Variants in SOD2 observed in about 807,000 individuals in gnomAD.
The protein encoded by SOD2 is superoxide dismutase [Mn], mitochondrial.
Under a neutral mutation model 27.0 loss-of-function variants are expected in SOD2, and 11 were observed. That is an observed-to-expected ratio of 0.41 (90% CI 0.26 to 0.67). The LOEUF is 0.67. Among genes scored for constraint, SOD2 ranks in the 30% least tolerant of loss-of-function variants. The pLI, the probability that SOD2 is intolerant of heterozygous loss-of-function variation, is 0.34. For synonymous variants in SOD2, 105 were observed against 103.0 expected (o/e 1.02, Z -0.12); for missense variants, 250 against 274.5 (o/e 0.91, Z 0.63).
intron 1 of SOD2, among the ~76,000 whole-genome samples, chr6:159,703,292 C>A (rs1051785872): frequency 6.6e-6 from 1 of 152,180 alleles, no homozygotes; most frequent in African/African-American, 2.4e-5. Flanking sequence ...CCAGCCTGGG[C>A]GACAAGAGTG....
intron 1 of SOD2, among the ~76,000 whole-genome samples, chr6:159,751,491 C>A (rs1779819224): frequency 1.3e-5 from 2 of 152,220 alleles, no homozygotes; most frequent in Admixed American, 1.3e-4. Context: ...TCTTGCATAT[C>A]TCTCATTTTC....
At chr6:159,735,211 G>T (rs942707131) in intron 1 of SOD2, among the ~76,000 whole-genome samples, 1 of 152,146 alleles carries the variant, frequency 6.6e-6, no homozygotes, top group Non-Finnish European at 1.5e-5. Flanking sequence ...CGCCATCTCG[G>T]CTCACTGCAA....
At chr6:159,708,024 A>T (rs1777660690) in intron 1 of SOD2, among the ~76,000 whole-genome samples, 1 of 152,226 alleles carries the variant, frequency 6.6e-6, no homozygotes, top group Non-Finnish European at 1.5e-5. Flanking sequence ...AAACCACATG[A>T]TTATCTCAAC....
chr6:159,701,218 T>C (rs937480864), intron 1 of SOD2, among the ~76,000 whole-genome samples: 5 of 152,214 alleles, frequency 3.3e-5, no homozygotes. Flanking sequence ...AGAAGGCACC[T>C]GCCAGCTGCC....
chr6:159,717,526 C>T (rs1033770220), intron 1 of SOD2, among the ~76,000 whole-genome samples: 13 of 152,176 alleles, frequency 8.5e-5, no homozygotes, highest in Admixed American at 6.5e-4. Context: ...GTAATTGGCA[C>T]ATCTATCAAT....
chr6:159,750,904 G>A lies in SOD2; in HGVS notation c.-335-2228C>T, dbSNP rs372629887. On this transcript the variant is annotated intron_variant, in intron 1 of 7. Coordinates refer to the SOD2 transcript ENST00000546087. ...TGCTTTGGGTTGCGTGCACGCGCAC[G>A]CACGTGTGTGTCTTCGCTTTACTGT... Among the ~76,000 whole-genome samples, 4 of 152,364 alleles carry A rather than the reference G, an allele frequency of 2.6e-5. No homozygotes were observed. In the South Asian group the frequency reaches 6.2e-4, roughly 24 times the overall value.
chr6:159,692,571 C>T (rs1454875489), intron 2 of SOD2, 90 bp downstream of exon 2: 2 of 1,574,004 alleles, frequency 1.3e-6, no homozygotes, highest in Non-Finnish European at 1.7e-6. Flanking sequence ...AGCGAGTTCT[C>T]CTCCACGGAG....
At chr6:159,723,010 T>C (rs1050084683) in intron 1 of SOD2, among the ~76,000 whole-genome samples, 6 of 152,192 alleles carry the variant, frequency 3.9e-5, no homozygotes, top group African/African-American at 1.4e-4. Context: ...TGCCAACTTG[T>C]AGTTAGCTTC....
intron 1 of SOD2, chr6:159,753,685 A>T (rs1779900612): frequency 6.6e-7 from 1 of 1,513,926 alleles, no homozygotes; most frequent in African/African-American, 1.4e-5. Context: ...CCAGTCATGA[A>T]TATTATAGGT....
chr6:159,694,293 A>G (rs893413241), upstream of SOD2, among the ~76,000 whole-genome samples: 2 of 152,206 alleles, frequency 1.3e-5, no homozygotes, highest in Admixed American at 6.5e-5. Flanking sequence ...AGGTTAGGAA[A>G]TCTACACTGC....
At chr6:159,716,440 A>G (rs1480928022) in intron 1 of SOD2, among the ~76,000 whole-genome samples, 1 of 152,162 alleles carries the variant, frequency 6.6e-6, no homozygotes, top group Non-Finnish European at 1.5e-5. Flanking sequence ...CTAGTAAGAG[A>G]CAACAAGGAA....
intron 1 of SOD2, among the ~76,000 whole-genome samples, chr6:159,725,197 G>A (rs1268932328): frequency 6.6e-6 from 1 of 152,120 alleles, no homozygotes; most frequent in Non-Finnish European, 1.5e-5. Flanking sequence ...AGCTCAGAGG[G>A]GCCAGTGGTG....
At chr6:159,716,160 CCTCT>C (rs1361023469) in intron 1 of SOD2, among the ~76,000 whole-genome samples, 2 of 152,196 alleles carry the variant, frequency 1.3e-5, no homozygotes, top group African/African-American at 4.8e-5. Flanking sequence ...AAATGCCCTT[CCTCT>C]CTAAGTTAGA....
At chr6:159,743,621 C>G (rs1432482277) in intron 1 of SOD2, 10 of 1,543,536 alleles carry the variant, frequency 6.5e-6, no homozygotes. Flanking sequence ...GTATTTAGAA[C>G]TTGATCTTAA....
upstream of SOD2, among the ~76,000 whole-genome samples, chr6:159,727,903 T>A (rs1535475): frequency 6.6e-6 from 1 of 152,134 alleles, no homozygotes; most frequent in Non-Finnish European, 1.5e-5. Flanking sequence ...ATTTTATCTC[T>A]GTCCTCCGTC....
intron 1 of SOD2, chr6:159,712,949 T>C (rs1170845245): frequency 1.6e-5 from 10 of 611,976 alleles, no homozygotes; most frequent in African/African-American, 3.7e-5. Flanking sequence ...GTGCTGCATA[T>C]TAGCTTTGTC....
intron 1 of SOD2, among the ~76,000 whole-genome samples, chr6:159,700,316 A>T (rs902058180): frequency 1.3e-5 from 2 of 152,204 alleles, no homozygotes; most frequent in Admixed American, 1.3e-4. Context: ...TAGCTCCAGT[A>T]ATTTTCTGGT....
rs1244536678 is a variant in SOD2 at position 159,682,339 on chromosome 6, G to A, written c.*154C>T. The stretch of plus-strand genomic sequence containing the variant: ...TGCCCAATAACAAAATGTTTAGTAA[G>A]AAATTATTCAGAACATTAAGTTGTT... On this transcript the variant is annotated 3_prime_UTR_variant, in exon 5 of 5. Transcript: ENST00000538183. 1.3e-5 allele frequency: 7 copies of A among 536,366 alleles called. No homozygotes were observed. In the South Asian group the frequency reaches 3.4e-4, roughly 26 times the overall value. The allele number at this position is 536,366 out of a possible 1,614,324, so 33.2% of individuals were successfully genotyped here. A position where few individuals can be genotyped will look rare whatever the true frequency, so the allele number is the denominator to read the frequency against.
chr6:159,686,060 G>A (rs1780172400), intron 3 of SOD2, among the ~76,000 whole-genome samples: 1 of 152,012 alleles, frequency 6.6e-6, no homozygotes, highest in South Asian at 2.1e-4. Flanking sequence ...TTTTCTCTAC[G>A]ACTGAACTAA....
Sources: gnomAD v4.1 joint callset for allele counts (sites outside exome capture counted in the v4.1 genomes callset) on GRCh38, gnomAD v4.1.1 for gene constraint, MANE v1.5 for transcripts, NCBI Gene and HGNC (gene_info 2026-07-23, HGNC 2026-07-21) for gene names.